The following ITGA11 variants were observed in gnomAD, a reference collection of about 807,000 sequenced individuals.
The protein encoded by ITGA11 is integrin subunit alpha 11, also known as integrin alpha-11.
A neutral mutation model predicts 141.9 loss-of-function variants in ITGA11; 97 were observed. The ratio of observed to expected loss-of-function variants is 0.68; its 90% CI spans 0.58 to 0.81. The LOEUF (loss-of-function observed/expected upper bound fraction) is 0.81. Ranked by LOEUF, ITGA11 falls within the 30% of genes least tolerant of loss-of-function variation. The probability of loss-of-function intolerance (pLI) is 0.00; values close to 1 mark genes in which losing one functional copy is unlikely to be tolerated. For missense variants in ITGA11, 1,387 were observed against 1,559.2 expected, an observed-to-expected ratio of 0.89 and a Z score of 1.86; for synonymous variants, 658 against 624.6, an observed-to-expected ratio of 1.05 and a Z score of -0.80.
chr15:68,403,090 T>C (rs994163930), intron 1 of ITGA11, 61 bp from the exon 2 acceptor site: 51 of 1,160,454 alleles, frequency 4.4e-5, no homozygotes, highest in East Asian at 4.9e-5. Flanking sequence ...GTGTAGGCCC[T>C]GGGCTGTGTC....
chr15:68,369,277 C>T lies in ITGA11; in HGVS notation c.172G>A (p.Val58Met), dbSNP rs777781459. The change falls in exon 3 of 30, where the codon GTG (valine) becomes ATG (methionine). Residue 58 changes from valine (V) to methionine (M), a missense_variant. Val to Met is a conservative substitution (Grantham distance 21). Transcript: ENST00000315757. Reference protein sequence around the residue: ...HDISGNKWLVVGAPLETNGYQ... With the variant: ...HDISGNKWLVMGAPLETNGYQ... ...CCATTGGTTTCCAGTGGGGCGCCCA[C>T]GACCAGCCTGGGAAGGAAGAGAAGA... 20 of 1,613,318 alleles carry T rather than the reference C, an allele frequency of 1.2e-5. No individual in the cohort carries two copies. The highest frequency in any genetic ancestry group is 4.5e-5 in the East Asian group (2 of 44,882).
chr15:68,313,949 A>C (rs1296511019), intron 22 of ITGA11, 81 bp from the exon 23 acceptor site: 1 of 1,101,874 alleles, frequency 9.1e-7, no homozygotes, highest in African/African-American at 1.5e-5. Context: ...CAGACTGTGG[A>C]AGGAGCACAC....
In ITGA11 at chr15:68,335,649, T is replaced by A; in HGVS notation, c.1425+48A>T. 1 of 1,599,404 alleles carries A rather than the reference T, an allele frequency of 6.3e-7. No individual in the cohort carries two copies. On this transcript the variant is annotated intron_variant, in intron 12 of 29. Coordinates refer to ENST00000315757, the MANE Select transcript of ITGA11 (RefSeq NM_001004439.2). This position sits in a 1 kb window ranked among gnomAD's most constrained non-coding sequence, Gnocchi z 4.9. Reference sequence around the variant, plus strand: ...ATTTACTGCCCTCCCATTTGTCTGATCTGCCCCCTCTTCCCTCCATCCCGG... The same window carrying A: ...ATTTACTGCCCTCCCATTTGTCTGAACTGCCCCCTCTTCCCTCCATCCCGG...
chr15:68,353,761 G>A (rs1298739286), intron 7 of ITGA11, among the ~76,000 whole-genome samples: 2 of 152,102 alleles, frequency 1.3e-5, no homozygotes, highest in African/African-American at 2.4e-5. Context: ...GGCCCATGGA[G>A]ATTTAGGCCC....
chr15:68,380,532 C>T (rs979809271), intron 2 of ITGA11, among the ~76,000 whole-genome samples: 5 of 152,134 alleles, frequency 3.3e-5, no homozygotes, highest in East Asian at 1.9e-4. Flanking sequence ...GAGAACATGC[C>T]GCAAGAGGGG....
intron 9 of ITGA11, among the ~76,000 whole-genome samples, chr15:68,349,911 G>A (rs1894850904): frequency 6.6e-6 from 1 of 152,146 alleles, no homozygotes; most frequent in Non-Finnish European, 1.5e-5. Context: ...ATGCAATATA[G>A]GATGCCCAAT....
At chr15:68,400,612 AAT>A (rs1271972989) in intron 2 of ITGA11, among the ~76,000 whole-genome samples, 6 of 98,472 alleles carry the variant, frequency 6.1e-5, no homozygotes, top group East Asian at 2.4e-4. Context: ...TATAATATAT[AAT>A]ATATATTATA....
intron 7 of ITGA11, among the ~76,000 whole-genome samples, chr15:68,353,147 C>T (rs531120570): frequency 3.3e-5 from 5 of 152,290 alleles, no homozygotes; most frequent in South Asian, 2.1e-4. Context: ...TTACGCAGCA[C>T]GCTGAGGAAC....
chr15:68,339,458 C>G (rs200973676), intron 11 of ITGA11, 42 bp downstream of exon 11: 2 of 1,579,544 alleles, frequency 1.3e-6, no homozygotes, highest in African/African-American at 1.4e-5. Flanking sequence ...GGTGCCCTCC[C>G]GGCCCACGAC....
At chr15:68,415,883 G>A (rs1042854412) in intron 1 of ITGA11, among the ~76,000 whole-genome samples, 2 of 152,152 alleles carry the variant, frequency 1.3e-5, no homozygotes, top group African/African-American at 2.4e-5. Flanking sequence ...TGCCACCAGG[G>A]GTGAGCTTAT....
chr15:68,430,323 G>A (rs966482149), intron 1 of ITGA11, among the ~76,000 whole-genome samples: 3 of 152,190 alleles, frequency 2.0e-5, no homozygotes, highest in African/African-American at 7.2e-5. Flanking sequence ...TTCTTACAGT[G>A]CCTTAGTGCA....
chr15:68,402,739 C>G (rs548254451), intron 2 of ITGA11, among the ~76,000 whole-genome samples, 179 bp downstream of exon 2: 1 of 152,196 alleles, frequency 6.6e-6, no homozygotes, highest in South Asian at 2.1e-4. Context: ...AACATTCAAG[C>G]TTTCATAGTC....
At chr15:68,359,483 T>TA (rs888227970) in intron 5 of ITGA11, among the ~76,000 whole-genome samples, 2 of 152,070 alleles carry the variant, frequency 1.3e-5, no homozygotes, top group African/African-American at 4.8e-5. Flanking sequence ...CCGTCTCTAC[T>TA]AAAAATACAA....
Position 68,307,383 on chromosome 15 carries a change from G to A in ITGA11, c.3346C>T (p.Pro1116Ser), listed in dbSNP as rs1390652192. ...NAALQRQFHS[P>S]FIFREEDPSR... Reference sequence around the variant, plus strand: ...GGATCCTCCTCACGGAAGATGAAGGGGCTGTGGAACTGCCTCTGCAAGGCT... The same window carrying A: ...GGATCCTCCTCACGGAAGATGAAGGAGCTGTGGAACTGCCTCTGCAAGGCT... Residue 1116 changes from proline to serine, a missense_variant, in exon 28 of 30, where the codon CCC becomes TCC. Physicochemically the swap from Pro to Ser is moderately conservative, Grantham distance 74 (BLOSUM62 -1). Transcript: ENST00000315757. This position sits in a 1 kb window ranked among gnomAD's most constrained non-coding sequence, Gnocchi z 6.1. 3 of 1,558,412 alleles carry A rather than the reference G, an allele frequency of 1.9e-6. No individual in the cohort carries two copies. In the South Asian group the frequency reaches 3.5e-5, roughly 18 times the overall value.
At position 68,397,767 on chromosome 15, in the gene ITGA11, A is replaced by G. The variant is rs984360544; in HGVS notation, c.164+5151T>C. ...TTTAAAATATTATATTTAAAATATT[A>G]TATTTAAAATATATTTAAAATAATA... On this transcript the variant is annotated intron_variant, in intron 2 of 29. Coordinates refer to ENST00000315757, the MANE Select transcript of ITGA11 (RefSeq NM_001004439.2). Among the ~76,000 whole-genome samples the G allele has an allele frequency of 2.4e-5, 3 of 123,516 alleles. 1 individual carries two copies. Among genetic ancestry groups the G allele is most frequent in the South Asian group, 4.8e-4 (2 of 4,208 alleles). The allele number at this position is 123,516 out of a possible 152,430, so 81.0% of individuals were successfully genotyped here.
chr15:68,333,995 C>T lies in ITGA11; in HGVS notation c.1426-1517G>A, dbSNP rs1278051987. Among the ~76,000 whole-genome samples the T allele has an allele frequency of 1.3e-5, 2 of 152,236 alleles. No homozygotes were observed. The highest frequency in any genetic ancestry group is 4.8e-5 in the African/African-American group (2 of 41,468). On this transcript the variant is annotated intron_variant, in intron 12 of 29. Coordinates refer to ENST00000315757, the MANE Select transcript of ITGA11 (RefSeq NM_001004439.2). The surrounding 1 kb of genome is among the most constrained non-coding windows in gnomAD (Gnocchi z 4.2). ...CCCCAGACCATCCCCTGCCATCCCT[C>T]AAGTCTCAGCTGATGTGTCACTTCC...
intron 2 of ITGA11, among the ~76,000 whole-genome samples, chr15:68,397,856 C>T (rs1218245232): frequency 3.5e-5 from 5 of 143,374 alleles, no homozygotes; most frequent in African/African-American, 1.0e-4. Flanking sequence ...TTATAACATT[C>T]TTAAAGAAAA....
chr15:68,403,359 C>T (rs756814519), intron 1 of ITGA11, among the ~76,000 whole-genome samples: 5 of 152,060 alleles, frequency 3.3e-5, no homozygotes, highest in Admixed American at 6.5e-5. Context: ...GTCATGGGGG[C>T]GGATCCCTCA....
intron 1 of ITGA11, among the ~76,000 whole-genome samples, chr15:68,415,082 C>T (rs1349959478): frequency 6.6e-6 from 1 of 152,208 alleles, no homozygotes; most frequent in Non-Finnish European, 1.5e-5. Flanking sequence ...TCTTACTTCT[C>T]TGCCAAATGA....
Sources: gnomAD v4.1 joint callset for allele counts (sites outside exome capture counted in the v4.1 genomes callset) on GRCh38, gnomAD v4.1.1 for gene constraint, Gnocchi (gnomAD v3.1) non-coding constraint, MANE v1.5 for transcripts, NCBI Gene and HGNC (gene_info 2026-07-23, HGNC 2026-07-21) for gene names.